Variants in RANBP9 observed in about 807,000 individuals in gnomAD.
RANBP9 encodes ran-binding protein 9.
A neutral mutation model predicts 84.3 loss-of-function variants in RANBP9; 15 were observed. The ratio of observed to expected loss-of-function variants is 0.18; its 90% confidence interval spans 0.12 to 0.27. The LOEUF (loss-of-function observed/expected upper bound fraction) is 0.27, where lower values mean the gene tolerates loss of function less well. RANBP9 is among the 10% of genes least tolerant of loss of function. The pLI is 1.00. For missense variants in RANBP9, 809 were observed against 912.8 expected (o/e 0.89, Z 1.46); for synonymous variants, 392 against 349.6 (o/e 1.12, Z -1.35).
chr6:13,654,399 A>C (rs1207851001), intron 4 of RANBP9, among the ~76,000 whole-genome samples: 1 of 152,204 alleles, frequency 6.6e-6, no homozygotes, highest in African/African-American at 2.4e-5. Context: ...ATATACTGCA[A>C]AGTTTCTCTT....
In RANBP9 at chr6:13,710,978, G is replaced by T; in HGVS notation, c.528C>A (p.Ser176Arg). ...PRSWSPKDKFSYIGLSQNNLR... is the reference protein window; with the variant it reads ...PRSWSPKDKFRYIGLSQNNLR... ...GGTTGTTCTGAGAGAGGCCGATGTA[G>T]CTGAACTTGTCCTTCGGGCTCCAGG... Residue 176 changes from serine (S) to arginine (R), a missense_variant, in exon 1 of 14, where the codon AGC (serine) becomes AGA (arginine). By Grantham distance (110) the Ser-to-Arg change is moderately radical. Coordinates refer to ENST00000011619, the MANE Select transcript of RANBP9 (RefSeq NM_005493.3). The T allele has an allele frequency of 6.2e-7, 1 of 1,610,348 alleles. No homozygotes were observed. The highest frequency in any genetic ancestry group is 1.1e-5 in the South Asian group (1 of 90,432).
intron 9 of RANBP9, among the ~76,000 whole-genome samples, chr6:13,638,925 A>G (rs1207795323): frequency 6.6e-6 from 1 of 152,186 alleles, no homozygotes; most frequent in East Asian, 1.9e-4. Flanking sequence ...AAGGTATCAC[A>G]GCCACATCAC....
intron 4 of RANBP9, among the ~76,000 whole-genome samples, chr6:13,654,951 C>G (rs1203951740): frequency 6.6e-6 from 1 of 152,148 alleles, no homozygotes; most frequent in African/African-American, 2.4e-5. Context: ...TTTAGTCTAA[C>G]CACCTTAGTG....
chr6:13,670,336 A>C (rs572001086), intron 2 of RANBP9, among the ~76,000 whole-genome samples: 1 of 152,320 alleles, frequency 6.6e-6, no homozygotes, highest in African/African-American at 2.4e-5. Flanking sequence ...CTGGATCCCT[A>C]TCTCACACCA....
chr6:13,701,299 C>T (rs576260885), intron 1 of RANBP9, among the ~76,000 whole-genome samples: 11 of 152,294 alleles, frequency 7.2e-5, no homozygotes, highest in Admixed American at 2.6e-4. Context: ...TATGAACAGC[C>T]ACTGCTATGA....
chr6:13,663,858 T>A (rs1273751627), intron 2 of RANBP9, among the ~76,000 whole-genome samples: 1 of 152,034 alleles, frequency 6.6e-6, no homozygotes, highest in East Asian at 1.9e-4. Context: ...TCAAAATAAA[T>A]ACACTTGGCA....
chr6:13,654,982 C>T (rs1278748625), intron 4 of RANBP9, among the ~76,000 whole-genome samples: 1 of 152,158 alleles, frequency 6.6e-6, no homozygotes, highest in Non-Finnish European at 1.5e-5. Context: ...TACAGTGATC[C>T]TACTTGACAA....
intron 6 of RANBP9, 21 bp from the exon 7 acceptor site, chr6:13,642,612 C>A: frequency 6.8e-7 from 1 of 1,462,956 alleles, no homozygotes; most frequent in Non-Finnish European, 9.5e-7. Flanking sequence ...AAAGAAGAAA[C>A]ATACATCTTT....
At chr6:13,654,001 C>T (rs2127769391) in intron 4 of RANBP9, among the ~76,000 whole-genome samples, 1 of 152,044 alleles carries the variant, frequency 6.6e-6, no homozygotes, top group South Asian at 2.1e-4. Flanking sequence ...ATAAACTATA[C>T]ATATTTCTAA....
intron 2 of RANBP9, 69 bp from the exon 3 acceptor site, chr6:13,658,901 C>A (rs1384885739): frequency 7.1e-7 from 1 of 1,416,454 alleles, no homozygotes; most frequent in Non-Finnish European, 1.0e-6. Flanking sequence ...AATTACCAAA[C>A]AGTCTCAAAC....
intron 2 of RANBP9, among the ~76,000 whole-genome samples, chr6:13,663,294 A>C (rs926907783): frequency 1.3e-5 from 2 of 152,104 alleles, no homozygotes; most frequent in Non-Finnish European, 2.9e-5. Context: ...AAGAAAAAAA[A>C]CCCAAAAGCC....
At chr6:13,678,918 G>A (rs1427869419) in intron 2 of RANBP9, among the ~76,000 whole-genome samples, 2 of 152,088 alleles carry the variant, frequency 1.3e-5, no homozygotes, top group Non-Finnish European at 2.9e-5. Flanking sequence ...TTAAGTATAT[G>A]CATGCTCAAA....
At chr6:13,695,988 T>A (rs142271645) in intron 2 of RANBP9, among the ~76,000 whole-genome samples, 1 of 152,196 alleles carries the variant, frequency 6.6e-6, no homozygotes, top group Non-Finnish European at 1.5e-5. Flanking sequence ...AAAGACCCTA[T>A]GACTGCTTTA....
intron 2 of RANBP9, among the ~76,000 whole-genome samples, chr6:13,667,393 T>C (rs1469872661): frequency 6.6e-6 from 1 of 152,224 alleles, no homozygotes; most frequent in East Asian, 1.9e-4. Context: ...AAGATTTTAA[T>C]GCATCTTTGA....
chr6:13,634,389 C>G (rs200122159), intron 11 of RANBP9, 42 bp downstream of exon 11: 3 of 1,597,462 alleles, frequency 1.9e-6, no homozygotes, highest in Non-Finnish European at 2.6e-6. Flanking sequence ...AACCTTGTAG[C>G]CATCATTTTT....
intron 1 of RANBP9, among the ~76,000 whole-genome samples, chr6:13,703,825 CT>C (rs1758034106): frequency 6.6e-6 from 1 of 152,208 alleles, no homozygotes; most frequent in South Asian, 2.1e-4. Flanking sequence ...TGTTCCTGTT[CT>C]TTCTGTAAGG....
intron 12 of RANBP9, among the ~76,000 whole-genome samples, chr6:13,630,510 A>G (rs893703704): frequency 7.7e-6 from 1 of 130,436 alleles, no homozygotes; most frequent in East Asian, 2.0e-4. Context: ...AAAAGTCTTA[A>G]GAATTCTTAA....
chr6:13,656,924 A>G (rs980225975), intron 4 of RANBP9, among the ~76,000 whole-genome samples, 185 bp downstream of exon 4: 1 of 152,176 alleles, frequency 6.6e-6, no homozygotes, highest in Non-Finnish European at 1.5e-5. Context: ...TGGCCTTCAC[A>G]GAATATAAAT....
In RANBP9 at chr6:13,706,694, T is replaced by TA. The variant is rs1172184147; in HGVS notation, c.571+4240dup. 7.1e-3 allele frequency among the ~76,000 whole-genome samples: 886 copies of TA among 124,320 alleles called. 7 individuals carry two copies. The highest frequency in any genetic ancestry group is 0.016 in the African/African-American group (541 of 33,176). 81.6% of individuals were successfully genotyped at this position (124,320 alleles called of 152,430 possible). A position where few individuals can be genotyped will look rare whatever the true frequency, so the allele number is the denominator to read the frequency against. On this transcript the variant is annotated intron_variant, in intron 1 of 13. Coordinates refer to ENST00000011619, the MANE Select transcript of RANBP9 (RefSeq NM_005493.3). ...ACAACAGCAGAGCGAGACTCCATCT[T>TA]AAAAAAAAAAAAAAAGGACAATTCA...
Sources: allele counts gnomAD v4.1 joint callset (sites outside exome capture counted in the v4.1 genomes callset), GRCh38; gene constraint gnomAD v4.1.1; transcripts MANE v1.5; gene names NCBI Gene and HGNC (gene_info 2026-07-23, HGNC 2026-07-21).